MGAT4C: variants seen among roughly 807,000 people sequenced by gnomAD.
MGAT4C encodes the protein MGAT4 family member C.
In MGAT4C, 19 loss-of-function variants were observed where a neutral mutation model predicts 40.1. The observed-to-expected ratio is 0.47, with a 90% CI of 0.33 to 0.70. The LOEUF (loss-of-function observed/expected upper bound fraction) is 0.70. MGAT4C is among the 30% of genes least tolerant of loss of function. The probability of loss-of-function intolerance (pLI) is 0.02; values close to 1 mark genes in which losing one functional copy is unlikely to be tolerated. For missense variants in MGAT4C, 491 were observed against 563.2 expected (o/e 0.87, Z 1.30); for synonymous variants, 181 against 187.1 (o/e 0.97, Z 0.27).
intron 2 of MGAT4C, among the ~76,000 whole-genome samples, chr12:86,559,513 T>C (rs1959766915): frequency 6.6e-6 from 1 of 151,910 alleles, no homozygotes; most frequent in Non-Finnish European, 1.5e-5. Flanking sequence ...CTTTAAAAAC[T>C]GTAGAAATAC....
intron 2 of MGAT4C, among the ~76,000 whole-genome samples, chr12:85,999,718 G>T (rs748378388): frequency 6.6e-6 from 1 of 152,022 alleles, no homozygotes; most frequent in Admixed American, 6.6e-5. Flanking sequence ...CCTGTCATTT[G>T]CAGCAACACA....
chr12:86,176,430 T>TA (rs1566093392), intron 1 of MGAT4C, among the ~76,000 whole-genome samples: 1 of 152,196 alleles, frequency 6.6e-6, no homozygotes, highest in Admixed American at 6.5e-5. Flanking sequence ...TCCCTGTGCA[T>TA]ACATATGTCC....
At chr12:86,222,819 G>A (rs1317627399) in intron 1 of MGAT4C, among the ~76,000 whole-genome samples, 1 of 152,168 alleles carries the variant, frequency 6.6e-6, no homozygotes, top group African/African-American at 2.4e-5. Context: ...GATTAAATAA[G>A]CAAGAGAGAG....
chr12:86,077,797 C>G (rs1391196665), intron 1 of MGAT4C, among the ~76,000 whole-genome samples: 1 of 152,124 alleles, frequency 6.6e-6, no homozygotes, highest in Admixed American at 6.5e-5. Flanking sequence ...CTCCTGTACT[C>G]CATGCACACT....
chr12:86,763,526 T>C (rs1951442238), intron 1 of MGAT4C, among the ~76,000 whole-genome samples: 1 of 152,236 alleles, frequency 6.6e-6, no homozygotes, highest in South Asian at 2.1e-4. Flanking sequence ...GAAATCATTT[T>C]ATACATCTTT....
intron 2 of MGAT4C, among the ~76,000 whole-genome samples, chr12:86,525,657 G>A (rs1160099726): frequency 6.6e-6 from 1 of 152,150 alleles, no homozygotes; most frequent in Non-Finnish European, 1.5e-5. Context: ...TTTGATTGTG[G>A]TATAAGGTGG....
chr12:86,236,217 C>G (rs1344891990), intron 1 of MGAT4C, among the ~76,000 whole-genome samples: 1 of 151,990 alleles, frequency 6.6e-6, no homozygotes, highest in African/African-American at 2.4e-5. Context: ...AGAGCGTTTT[C>G]AGGGTTGGTT....
chr12:86,196,840 TAGTC>T (rs1380807279), intron 1 of MGAT4C, among the ~76,000 whole-genome samples: 1 of 152,180 alleles, frequency 6.6e-6, no homozygotes, highest in Non-Finnish European at 1.5e-5. Flanking sequence ...GCAACATAGT[TAGTC>T]TGATAATTTT....
chr12:86,803,446 A>T (rs1355080762), intron 1 of MGAT4C, among the ~76,000 whole-genome samples: 4 of 152,070 alleles, frequency 2.6e-5, no homozygotes, highest in Non-Finnish European at 5.9e-5. Context: ...GCTTCTGCAC[A>T]GCAAAAGAAA....
At chr12:86,682,221 A>C (rs1375307056) in intron 2 of MGAT4C, among the ~76,000 whole-genome samples, 1 of 152,108 alleles carries the variant, frequency 6.6e-6, no homozygotes, top group African/African-American at 2.4e-5. Flanking sequence ...TAATAGCAGT[A>C]AAACCAGGCA....
chr12:86,333,007 T>C (rs1423863091), intron 4 of MGAT4C, among the ~76,000 whole-genome samples: 5 of 152,110 alleles, frequency 3.3e-5, no homozygotes, highest in Non-Finnish European at 7.4e-5. Flanking sequence ...CATCATCCAA[T>C]AGCATGAGTC....
intron 2 of MGAT4C, among the ~76,000 whole-genome samples, chr12:86,028,952 G>C (rs1801608946): frequency 1.3e-5 from 2 of 151,948 alleles, no homozygotes; most frequent in South Asian, 4.1e-4. Flanking sequence ...AACTGGAGTA[G>C]TATGCACTGT....
At chr12:86,075,587 C>T (rs1392708020) in intron 1 of MGAT4C, among the ~76,000 whole-genome samples, 1 of 152,172 alleles carries the variant, frequency 6.6e-6, no homozygotes, top group Non-Finnish European at 1.5e-5. Flanking sequence ...TTCTGCAATG[C>T]CCTAGCAGAG....
At chr12:86,191,751 G>GGTGT (rs570173863) in intron 1 of MGAT4C, among the ~76,000 whole-genome samples, 6,605 of 98,494 alleles carry the variant, frequency 0.067, 290 homozygotes, top group Middle Eastern at 0.13. Flanking sequence ...AGGAGATAAA[G>GGTGT]GTGTGTGTGT....
chr12:86,061,800 AC>A (rs1309678793), intron 1 of MGAT4C, among the ~76,000 whole-genome samples: 1 of 152,136 alleles, frequency 6.6e-6, no homozygotes, highest in Non-Finnish European at 1.5e-5. Context: ...CAGCAAGTCC[AC>A]TGTGTTCAGA....
At chr12:86,803,939 T>C (rs1952287471) in intron 1 of MGAT4C, among the ~76,000 whole-genome samples, 1 of 143,926 alleles carries the variant, frequency 6.9e-6, no homozygotes, top group Admixed American at 7.0e-5. Context: ...TGACTATAAA[T>C]CATGCTGCTA....
At position 85,960,741 on chromosome 12, in the gene MGAT4C, A is replaced by G. The variant is rs556366231; in HGVS notation, c.*18548T>C. ...CTCTAGATAATTTTTGTTTATTTGG[A>G]TATAACGTGAATGGGCCCATACCAT... is the stretch of plus-strand genomic sequence containing the variant. On this transcript the variant is annotated 3_prime_UTR_variant, in exon 5 of 5. Transcript: ENST00000611864. 1 of 151,870 alleles carries G rather than the reference A, an allele frequency of 6.6e-6. No homozygotes were observed. Among genetic ancestry groups the G allele is most frequent in the African/African-American group, 2.4e-5 (1 of 41,408 alleles). The allele number at this position is 151,870 out of a possible 1,614,324, so 9.4% of individuals were successfully genotyped here.
intron 2 of MGAT4C, among the ~76,000 whole-genome samples, chr12:85,999,711 G>T (rs1407378553): frequency 6.6e-6 from 1 of 151,994 alleles, no homozygotes; most frequent in African/African-American, 2.4e-5. Flanking sequence ...ATGAAATCCT[G>T]TCATTTGCAG....
intron 1 of MGAT4C, among the ~76,000 whole-genome samples, chr12:86,180,221 G>A (rs1047486476): frequency 2.0e-5 from 3 of 152,240 alleles, no homozygotes; most frequent in Admixed American, 1.3e-4. Context: ...CAAGAATTGA[G>A]GTTTGAGAAC....
Sources: gnomAD v4.1 joint callset for allele counts (sites outside exome capture counted in the v4.1 genomes callset) on GRCh38, gnomAD v4.1.1 for gene constraint, MANE v1.5 for transcripts, NCBI Gene and HGNC (gene_info 2026-07-23, HGNC 2026-07-21) for gene names.